Variants in SLC10A7 observed in about 807,000 individuals in gnomAD.
SLC10A7 encodes the protein sodium/bile acid cotransporter 7.
Under a neutral mutation model 43.2 loss-of-function variants are expected in SLC10A7, and 29 were observed. That is an observed-to-expected ratio of 0.67 (90% CI 0.50 to 0.92). The LOEUF (loss-of-function observed/expected upper bound fraction) is 0.92. Ranked by LOEUF, SLC10A7 falls within the 40% of genes least tolerant of loss-of-function variation. The pLI is 0.00. For missense variants in SLC10A7, 295 were observed against 403.2 expected (o/e 0.73, Z 2.30); for synonymous variants, 152 against 144.8 (o/e 1.05, Z -0.35).
chr4:146,310,780 A>C (rs1731921173), intron 6 of SLC10A7, among the ~76,000 whole-genome samples: 1 of 152,136 alleles, frequency 6.6e-6, no homozygotes. Flanking sequence ...CACCATAGCT[A>C]GAAATTGACA....
At chr4:146,257,081 A>G (rs1479922314) in intron 11 of SLC10A7, 5 of 603,770 alleles carry the variant, frequency 8.3e-6, no homozygotes, top group Middle Eastern at 2.7e-4. Context: ...CTATGGCTGT[A>G]TAATATTGAT....
At chr4:146,448,567 TAAAAA>T (rs568734553) in intron 4 of SLC10A7, among the ~76,000 whole-genome samples, 2,246 of 151,704 alleles carry the variant, frequency 0.015, 24 homozygotes, top group Non-Finnish European at 0.023. Context: ...GGTTACTAAA[TAAAAA>T]AAAGGTAAAA....
chr4:146,299,580 G>C (rs745667563), intron 7 of SLC10A7, among the ~76,000 whole-genome samples: 1 of 152,182 alleles, frequency 6.6e-6, no homozygotes, highest in Non-Finnish European at 1.5e-5. Flanking sequence ...CAGTGCAAAG[G>C]TTCTAAGGCA....
intron 5 of SLC10A7, among the ~76,000 whole-genome samples, chr4:146,343,383 G>A (rs1377882038): frequency 2.0e-5 from 3 of 152,084 alleles, no homozygotes; most frequent in Non-Finnish European, 4.4e-5. Context: ...TGGTCTGCAT[G>A]TGGCCTGTGG....
At chr4:146,360,858 G>A (rs1735994660) in intron 5 of SLC10A7, among the ~76,000 whole-genome samples, 1 of 152,140 alleles carries the variant, frequency 6.6e-6, no homozygotes, top group South Asian at 2.1e-4. Context: ...AAGCCTGGAA[G>A]TTGGTCTTCA....
chr4:146,295,013 C>A (rs1326621107), intron 7 of SLC10A7, among the ~76,000 whole-genome samples: 1 of 152,094 alleles, frequency 6.6e-6, no homozygotes, highest in East Asian at 1.9e-4. Flanking sequence ...GGCTGAATTA[C>A]CATGGATCCA....
intron 5 of SLC10A7, among the ~76,000 whole-genome samples, chr4:146,374,641 CACACACACACACACACACACAT>C (rs1560847009): frequency 2.1e-5 from 3 of 142,790 alleles, no homozygotes; most frequent in African/African-American, 5.3e-5. Context: ...CACACACACA[CACACACACACACACACACACAT>C]ATATATATAT....
chr4:146,513,564 T>C (rs1207179693), intron 2 of SLC10A7, among the ~76,000 whole-genome samples: 2 of 152,184 alleles, frequency 1.3e-5, no homozygotes, highest in Non-Finnish European at 1.5e-5. Context: ...GCTGACCTAA[T>C]AAATGACAAT....
chr4:146,286,027 A>G (rs1729893967), intron 9 of SLC10A7, among the ~76,000 whole-genome samples: 1 of 148,840 alleles, frequency 6.7e-6, no homozygotes. Context: ...TGGAGTGGTG[A>G]GAAGGACTGT....
intron 7 of SLC10A7, among the ~76,000 whole-genome samples, chr4:146,303,159 G>A (rs1731272432): frequency 6.6e-6 from 1 of 152,046 alleles, no homozygotes; most frequent in African/African-American, 2.4e-5. Context: ...CAACTCTGAG[G>A]GGTCATTCCG....
chr4:146,275,114 A>G (rs1729124949), intron 10 of SLC10A7, among the ~76,000 whole-genome samples: 1 of 152,200 alleles, frequency 6.6e-6, no homozygotes, highest in South Asian at 2.1e-4. Context: ...AATATGTTAC[A>G]TGTGTCGGAC....
chr4:146,506,843 A>AC (rs966094579), intron 3 of SLC10A7, among the ~76,000 whole-genome samples: 12 of 151,798 alleles, frequency 7.9e-5, no homozygotes, highest in African/African-American at 2.9e-4. Flanking sequence ...TCAAGTTTAT[A>AC]TTTTTTAGCC....
At chr4:146,403,222 T>C (rs941452594) in intron 5 of SLC10A7, among the ~76,000 whole-genome samples, 9 of 152,152 alleles carry the variant, frequency 5.9e-5, no homozygotes, top group African/African-American at 1.2e-4. Flanking sequence ...AAAATTCATG[T>C]TGTAGTAATT....
intron 4 of SLC10A7, among the ~76,000 whole-genome samples, chr4:146,469,275 TAGGA>T (rs1733347063): frequency 1.3e-5 from 2 of 152,084 alleles, no homozygotes; most frequent in Admixed American, 1.3e-4. Context: ...TTGGTGAAGG[TAGGA>T]AAGTGGTCAG....
intron 9 of SLC10A7, among the ~76,000 whole-genome samples, chr4:146,290,120 C>T (rs908806973): frequency 4.7e-5 from 7 of 150,464 alleles, no homozygotes; most frequent in East Asian, 4.0e-4. Context: ...GTCAGGAGAT[C>T]CAGACCATCC....
chr4:146,394,776 T>C (rs1330753928), intron 5 of SLC10A7, among the ~76,000 whole-genome samples: 2 of 152,148 alleles, frequency 1.3e-5, no homozygotes, highest in African/African-American at 4.8e-5. Context: ...ATGGAAGACA[T>C]TGGAAAAGAT....
At chr4:146,476,645 T>C (rs1459989345) in intron 4 of SLC10A7, among the ~76,000 whole-genome samples, 1 of 152,192 alleles carries the variant, frequency 6.6e-6, no homozygotes, top group Non-Finnish European at 1.5e-5. Context: ...TCTAGAACTA[T>C]GACTTGCATT....
chr4:146,444,549 T>C (rs1242792064), intron 4 of SLC10A7, among the ~76,000 whole-genome samples: 2 of 152,186 alleles, frequency 1.3e-5, no homozygotes, highest in Non-Finnish European at 2.9e-5. Flanking sequence ...CTACTACTCA[T>C]AAGATCAAAT....
At chr4:146,316,418 A>G (rs1732327199) in intron 6 of SLC10A7, among the ~76,000 whole-genome samples, 1 of 152,062 alleles carries the variant, frequency 6.6e-6, no homozygotes, top group South Asian at 2.1e-4. Context: ...TGAATGAATT[A>G]GTGCTCTTAT....
Sources: allele counts gnomAD v4.1 joint callset (sites outside exome capture counted in the v4.1 genomes callset), GRCh38; gene constraint gnomAD v4.1.1; transcripts MANE v1.5; gene names NCBI Gene and HGNC (gene_info 2026-07-23, HGNC 2026-07-21).